The following NEB variants were observed in gnomAD, a reference collection of about 807,000 sequenced individuals.
The protein encoded by NEB is nebulin.
A neutral mutation model predicts 952.2 loss-of-function variants in NEB; 512 were observed. The observed-to-expected ratio is 0.54, with a 90% CI of 0.50 to 0.58. The LOEUF (loss-of-function observed/expected upper bound fraction) is 0.58, where lower values mean the gene tolerates loss of function less well. Among genes scored for constraint, NEB ranks in the 20% least tolerant of loss-of-function variants. NEB has a pLI of 0.00. For synonymous variants in NEB, 2,900 were observed against 3,149.8 expected (o/e 0.92, Z 2.66); for missense variants, 8,428 against 9,231.1 (o/e 0.91, Z 3.56).
chr2:151,635,622 C>T (rs981432145), intron 64 of NEB, among the ~76,000 whole-genome samples: 3 of 150,144 alleles, frequency 2.0e-5, no homozygotes, highest in Non-Finnish European at 4.4e-5. Context: ...AGGAGAATCG[C>T]TTGACCCCAG....
At position 151,563,934 on chromosome 2, in the gene NEB, G is replaced by C. The variant is rs756954250; in HGVS notation, c.18472-4C>G. ...CCCACGCCCCTTTATACAGTATCTA[G>C]AACAAAGAAATACATGGCAACAAAA... is the stretch of plus-strand genomic sequence containing the variant. On this transcript the variant is annotated splice_region_variant and splice_polypyrimidine_tract_variant and intron_variant, in intron 117 of 181. Transcript: ENST00000397345. 104 of 1,587,834 alleles carry C rather than the reference G, an allele frequency of 6.5e-5. No individual in the cohort carries two copies. The highest frequency in any genetic ancestry group is 8.8e-5 in the Non-Finnish European group (102 of 1,165,230).
At position 151,553,420 on chromosome 2, in the gene NEB, T is replaced by A; in HGVS notation, c.19709A>T (p.His6570Leu). 1 of 1,613,416 alleles carries A rather than the reference T, an allele frequency of 6.2e-7. No individual in the cohort carries two copies. The highest frequency in any genetic ancestry group is 8.5e-7 in the Non-Finnish European group (1 of 1,179,374). ...CACATCATCACGTAGATCATAAGCA[T>A]GCTTGGCATGGAGGATTTCAGGAGT... is the stretch of plus-strand genomic sequence containing the variant. ...WDTPEILHAK[H>L]AYDLRDDIKY... is the part of the protein sequence containing the mutation. The change falls in exon 127 of 182, where the codon CAT (histidine) becomes CTT (leucine). Residue 6570 changes from histidine to leucine, a missense_variant. Physicochemically the swap from His to Leu is moderately conservative, Grantham distance 99. Transcript: ENST00000397345.
intron 53 of NEB, 31 bp from the exon 54 acceptor site, chr2:151,650,410 C>T: frequency 6.3e-7 from 1 of 1,595,948 alleles, no homozygotes; most frequent in Admixed American, 1.7e-5. Flanking sequence ...CCATCAAAAT[C>T]CCATTCTCAC....
chr2:151,634,435 A>C (rs530011001), intron 64 of NEB, among the ~76,000 whole-genome samples: 1 of 152,250 alleles, frequency 6.6e-6, no homozygotes, highest in East Asian at 1.9e-4. Flanking sequence ...TGAGGTCAGG[A>C]GATCAAGACC....
chr2:151,496,225 A>AAAG, intron 173 of NEB, 51 bp downstream of exon 173: 3 of 1,456,960 alleles, frequency 2.1e-6, no homozygotes, highest in Non-Finnish European at 2.8e-6. Context: ...TTAAATCATA[A>AAAG]AAGTAGTTTT....
chr2:151,563,737 C>T lies in NEB; in HGVS notation c.18580-18G>A. Reference sequence around the variant, plus strand: ...TATTTAAGCTGTAAAGTGGGTTAAACATTGAGAATCGCTGGAGTTTCCTAA... The same window carrying T: ...TATTTAAGCTGTAAAGTGGGTTAAATATTGAGAATCGCTGGAGTTTCCTAA... On this transcript the variant is annotated intron_variant, in intron 118 of 181. Coordinates refer to ENST00000397345, the MANE Select transcript of NEB (RefSeq NM_001164508.2). 1 of 1,610,458 alleles carries T rather than the reference C, an allele frequency of 6.2e-7. No individual in the cohort carries two copies. The highest frequency in any genetic ancestry group is 8.5e-7 in the Non-Finnish European group (1 of 1,176,722).
At chr2:151,709,482 CTTG>C (rs1393975499) in intron 12 of NEB, among the ~76,000 whole-genome samples, 171 bp downstream of exon 12, 1 of 152,064 alleles carries the variant, frequency 6.6e-6, no homozygotes, top group Non-Finnish European at 1.5e-5. Context: ...TGTTGTTGTT[CTTG>C]TTGTTTCAAT....
intron 40 of NEB, 150 bp from the exon 41 acceptor site, chr2:151,666,551 A>G: frequency 1.4e-6 from 1 of 723,422 alleles, no homozygotes; most frequent in Non-Finnish European, 2.2e-6. Context: ...AACAATTAGC[A>G]AAATATTTTT....
At position 151,692,056 on chromosome 2, in the gene NEB, T is replaced by G. The variant is rs1553589058; in HGVS notation, c.2106+3A>C. On this transcript the variant is annotated splice_donor_region_variant and intron_variant, in intron 22 of 181. Transcript: ENST00000397345. ...AGGCATGAACCATTGTCTTCAAACT[T>G]ACATCACTGTTTTGAGCTGCAACTT... 4 of 1,613,276 alleles carry G rather than the reference T, an allele frequency of 2.5e-6. No individual in the cohort carries two copies. Among genetic ancestry groups the G allele is most frequent in the Non-Finnish European group, 3.4e-6 (4 of 1,179,222 alleles).
At chr2:151,606,550 T>C (rs1432939465) in intron 84 of NEB, 56 bp downstream of exon 84, 1 of 603,588 alleles carries the variant, frequency 1.7e-6, no homozygotes, top group East Asian at 4.4e-5. Context: ...TGAAAAATAG[T>C]CTCCCTGCTC....
intron 105 of NEB, among the ~76,000 whole-genome samples, 152 bp downstream of exon 105, chr2:151,579,185 CT>C (rs367643586): frequency 0.22 from 31,645 of 145,450 alleles, 4,079 homozygotes; most frequent in Admixed American, 0.35. Context: ...TGAAAACTTT[CT>C]GAAGAAACCT....
chr2:151,569,446 T>G, intron 109 of NEB, 74 bp from the exon 110 acceptor site: 1 of 1,107,826 alleles, frequency 9.0e-7, no homozygotes, highest in Admixed American at 1.7e-5. Flanking sequence ...ATTGGTCTCA[T>G]GAAGAAATAC....
chr2:151,509,640 GT>G (rs1256002119), intron 161 of NEB, among the ~76,000 whole-genome samples: 1 of 151,626 alleles, frequency 6.6e-6, no homozygotes, highest in African/African-American at 2.4e-5. Context: ...TTGGTTTTTT[GT>G]TTTTTGAGGC....
At chr2:151,705,131 A>G (rs1316676827) in intron 13 of NEB, among the ~76,000 whole-genome samples, 2 of 152,122 alleles carry the variant, frequency 1.3e-5, no homozygotes, top group African/African-American at 2.4e-5. Context: ...TCCTATACCT[A>G]TAAGAAATCT....
intron 167 of NEB, among the ~76,000 whole-genome samples, chr2:151,502,380 C>G (rs2065309104): frequency 1.8e-5 from 2 of 112,322 alleles, no homozygotes; most frequent in South Asian, 5.4e-4. Context: ...AAATAAACAT[C>G]TAAACATAAA....
intron 125 of NEB, 141 bp downstream of exon 125, chr2:151,554,790 G>T: frequency 1.4e-6 from 1 of 702,640 alleles, no homozygotes; most frequent in Non-Finnish European, 2.6e-6. Context: ...GTACAGGTTT[G>T]TAGTCTAGGA....
chr2:151,576,515 T>A lies in NEB; in HGVS notation c.16705-161A>T, dbSNP rs2096858929. Among the ~76,000 whole-genome samples the A allele has an allele frequency of 2.6e-4, 8 of 31,342 alleles. No homozygotes were observed. The South Asian group carries it at 4.8e-3, about 19-fold the overall frequency. The allele number at this position is 31,342 out of a possible 152,430, so 20.6% of individuals were successfully genotyped here. ...ATATATATATATATATATATATATA[T>A]ATTTTTTTTTTTTTTTTTTTTTTTT... is the stretch of plus-strand genomic sequence containing the variant. On this transcript the variant is annotated intron_variant, in intron 105 of 181. Transcript: ENST00000397345.
At chr2:151,553,758 A>C (rs1376091627) in intron 126 of NEB, 70 bp downstream of exon 126, 1 of 1,402,520 alleles carries the variant, frequency 7.1e-7, no homozygotes, top group Non-Finnish European at 9.6e-7. Context: ...GAAATGGGTG[A>C]GTTTGCTGCC....
rs77091895 is a variant in NEB at position 151,707,935 on chromosome 2, G to A, written c.1036-938C>T. On this transcript the variant is annotated intron_variant, in intron 12 of 181. Transcript: ENST00000397345. ...AGACTCAGATCACTTTTCCACCTTA[G>A]AGAATTAACTGTTTCCTTGAAAAAT... 4.6e-3 allele frequency among the ~76,000 whole-genome samples: 696 copies of A among 152,212 alleles called. 7 individuals carry two copies. The highest frequency in any genetic ancestry group is 0.016 in the African/African-American group (672 of 41,564).
Sources: gnomAD v4.1 joint callset for allele counts (sites outside exome capture counted in the v4.1 genomes callset) on GRCh38, gnomAD v4.1.1 for gene constraint, MANE v1.5 for transcripts, NCBI Gene and HGNC (gene_info 2026-07-23, HGNC 2026-07-21) for gene names.